HIVEP1: variants seen among roughly 807,000 people sequenced by gnomAD.
HIVEP1 encodes the protein zinc finger protein 40.
A neutral mutation model predicts 180.0 loss-of-function variants in HIVEP1; 36 were observed. The observed-to-expected ratio is 0.20, with a 90% CI of 0.15 to 0.26. HIVEP1 has a LOEUF of 0.26. HIVEP1 is among the 10% of genes least tolerant of loss of function. HIVEP1 has a pLI of 1.00. For synonymous variants in HIVEP1, 1,239 were observed against 1,239.0 expected (o/e 1.00, Z 0.00); for missense variants, 3,143 against 3,268.7 (o/e 0.96, Z 0.94).
rs1561961574 is a variant in HIVEP1 at position 12,120,970 on chromosome 6, A to G, written c.1175A>G (p.Asn392Ser). 6.2e-6 allele frequency: 10 copies of G among 1,614,058 alleles called. No homozygotes were observed. Among genetic ancestry groups the G allele is most frequent in the South Asian group, 2.2e-5 (2 of 91,088 alleles). The part of the protein sequence containing the change: ...VVNQSVEQMC[N>S]LLLKDQKPKK... ...AATCAAAGCGTAGAGCAAATGTGCA[A>G]TCTTCTTCTGAAAGATCAGAAGCCA... Residue 392 changes from asparagine (N) to serine (S), a missense_variant, in exon 4 of 9, where the codon AAT becomes AGT. Physicochemically the swap from Asn to Ser is conservative, Grantham distance 46 (BLOSUM62 1). Around this residue, in one of 12 missense-constraint regions of HIVEP1, gnomAD observed 306 missense variants for 310.6 expected, o/e 0.99. Transcript: ENST00000379388.
chr6:12,099,657 TAC>T lies in HIVEP1; in HGVS notation c.94+10422_94+10423del, dbSNP rs568711920. 2.2e-3 allele frequency among the ~76,000 whole-genome samples: 330 copies of T among 152,268 alleles called. 2 individuals are homozygous for T. Among genetic ancestry groups the T allele is most frequent in the African/African-American group, 7.6e-3 (316 of 41,522 alleles). ...TGGGGTCTCCTCACATCTTCCCCTATACAGTTTTGCCCACAGTCATAGCACAG... is the reference window on the plus strand; with the variant it reads ...TGGGGTCTCCTCACATCTTCCCCTATAGTTTTGCCCACAGTCATAGCACAG... On this transcript the variant is annotated intron_variant, in intron 3 of 8. Transcript: ENST00000379388.
chr6:12,023,595 T>C (rs192762828), intron 2 of HIVEP1, among the ~76,000 whole-genome samples: 36 of 152,328 alleles, frequency 2.4e-4, no homozygotes, highest in Non-Finnish European at 3.8e-4. Context: ...TGTAGATAGC[T>C]GACAGTGCTT....
chr6:12,115,854 G>T (rs1227250762), intron 3 of HIVEP1, among the ~76,000 whole-genome samples: 1 of 151,742 alleles, frequency 6.6e-6, no homozygotes, highest in African/African-American at 2.4e-5. Context: ...GCTCGCGGGG[G>T]GTGCTGGTTG....
the HIVEP1 span, among the ~76,000 whole-genome samples, chr6:12,207,158 GGTC>G: frequency 9.9e-5 from 15 of 152,226 alleles, no homozygotes; most frequent in African/African-American, 3.4e-4. Flanking sequence ...CTGGCACCTG[GGTC>G]GTCTGGTGAG....
chr6:12,082,548 C>T (rs1772854740), intron 2 of HIVEP1, among the ~76,000 whole-genome samples: 1 of 152,112 alleles, frequency 6.6e-6, no homozygotes, highest in African/African-American at 2.4e-5. Flanking sequence ...TCTACCAACT[C>T]TAGGCTATGG....
chr6:12,041,605 T>A (rs540240775), intron 2 of HIVEP1, among the ~76,000 whole-genome samples: 2 of 152,026 alleles, frequency 1.3e-5, no homozygotes, highest in Admixed American at 6.5e-5. Context: ...ATTTGTTACA[T>A]CATCTCTAGT....
chr6:12,162,322 A>G (rs572893247), intron 8 of HIVEP1, among the ~76,000 whole-genome samples: 1 of 151,816 alleles, frequency 6.6e-6, no homozygotes, highest in Admixed American at 6.6e-5. Flanking sequence ...TGATGTGATG[A>G]TGGATTTTCA....
In HIVEP1 at chr6:12,122,286, C is replaced by G; in HGVS notation, c.2491C>G (p.Leu831Val). The G allele has an allele frequency of 6.2e-7, 1 of 1,614,256 alleles. No homozygotes were observed. The highest frequency in any genetic ancestry group is 1.1e-5 in the South Asian group (1 of 91,086). Residue 831 changes from leucine to valine, a missense_variant, in exon 4 of 9, where the codon CTT (leucine) becomes GTT (valine). By Grantham distance (32) the Leu-to-Val change is conservative. Around this residue, in one of 12 missense-constraint regions of HIVEP1, gnomAD observed 204 missense variants for 243.7 expected, o/e 0.84. Transcript: ENST00000379388. Reference protein sequence around the residue: ...KQVFLLSVPSLDCLPITRSNS... With the variant: ...KQVFLLSVPSVDCLPITRSNS... The stretch of plus-strand genomic sequence containing the variant: ...AGTGTTTCTTCTGTCTGTACCTTCA[C>G]TTGACTGTTTACCTATCACAAGAAG...
chr6:12,072,260 A>G (rs552448723), intron 2 of HIVEP1, among the ~76,000 whole-genome samples: 72 of 152,318 alleles, frequency 4.7e-4, no homozygotes, highest in African/African-American at 1.5e-3. Context: ...TATTGGCAAG[A>G]AATTGTCTCA....
the HIVEP1 span, among the ~76,000 whole-genome samples, chr6:12,185,112 A>G: frequency 1.3e-5 from 2 of 152,246 alleles, no homozygotes; most frequent in East Asian, 1.9e-4. Flanking sequence ...ATGATGAAGT[A>G]ACTGTTTTCA....
chr6:12,023,392 G>A (rs1387706847), intron 2 of HIVEP1, among the ~76,000 whole-genome samples: 2 of 152,160 alleles, frequency 1.3e-5, no homozygotes, highest in African/African-American at 4.8e-5. Flanking sequence ...ACATTTGAAT[G>A]TTAGGTCAGC....
At chr6:12,197,403 A>C in the HIVEP1 span, among the ~76,000 whole-genome samples, 2 of 152,038 alleles carry the variant, frequency 1.3e-5, no homozygotes, top group African/African-American at 4.8e-5. Context: ...ACTAAAAACT[A>C]CAAAAATTAG....
chr6:12,168,681 A>G (rs902103924), downstream of HIVEP1, among the ~76,000 whole-genome samples: 1 of 151,992 alleles, frequency 6.6e-6, no homozygotes, highest in Non-Finnish European at 1.5e-5. Flanking sequence ...CAGGAGCCAA[A>G]GCTCCCAGCC....
intron 3 of HIVEP1, among the ~76,000 whole-genome samples, chr6:12,117,093 A>AG (rs977795650): frequency 3.9e-5 from 6 of 152,204 alleles, no homozygotes; most frequent in African/African-American, 1.4e-4. Context: ...AGAAAACAAA[A>AG]GGTAAAAACC....
chr6:12,022,852 G>A (rs746119403), intron 2 of HIVEP1, among the ~76,000 whole-genome samples: 3 of 152,178 alleles, frequency 2.0e-5, no homozygotes, highest in Non-Finnish European at 2.9e-5. Context: ...GTTGGGATCT[G>A]GGGGAGAGAG....
At chr6:12,153,788 G>C (rs1231250828) in intron 7 of HIVEP1, among the ~76,000 whole-genome samples, 1 of 152,002 alleles carries the variant, frequency 6.6e-6, no homozygotes, top group East Asian at 1.9e-4. Flanking sequence ...TTTGACTATG[G>C]GGCTAATAGG....
In HIVEP1 at chr6:12,026,244, A is replaced by G. The variant is rs1293415251; in HGVS notation, c.40+10576A>G. Among the ~76,000 whole-genome samples, 3 of 152,358 alleles carry G rather than the reference A, an allele frequency of 2.0e-5. No homozygotes were observed. The East Asian group carries it at 5.8e-4, about 29-fold the overall frequency. The stretch of plus-strand genomic sequence containing the variant: ...GGAACAAATATAATTTCAGGCTAGT[A>G]TGTGCAGTATGGAATTCCCCAAGGG... On this transcript the variant is annotated intron_variant, in intron 2 of 8. Transcript: ENST00000379388.
chr6:12,193,315 A>C, the HIVEP1 span, among the ~76,000 whole-genome samples: 1 of 152,190 alleles, frequency 6.6e-6, no homozygotes, highest in South Asian at 2.1e-4. Context: ...ATTCTGAAGA[A>C]AGCATTCCAT....
intron 3 of HIVEP1, among the ~76,000 whole-genome samples, chr6:12,112,651 C>T (rs80083862): frequency 0.018 from 2,687 of 152,158 alleles, 64 homozygotes; most frequent in African/African-American, 0.045. Flanking sequence ...CAGCCTCCTG[C>T]GCCATAGGCT....
Sources: gnomAD v4.1 joint callset for allele counts (sites outside exome capture counted in the v4.1 genomes callset) on GRCh38, gnomAD v4.1.1 for gene constraint, gnomAD v4.1.1 regional missense constraint, MANE v1.5 for transcripts, NCBI Gene and HGNC (gene_info 2026-07-23, HGNC 2026-07-21) for gene names.